Variants in CD46 observed in about 807,000 individuals in gnomAD.
CD46 encodes CD46 molecule, also known as membrane cofactor protein.
In CD46, 30 loss-of-function variants were observed where a neutral mutation model predicts 53.3. That is an observed-to-expected ratio of 0.56 (90% CI 0.42 to 0.76). The LOEUF (loss-of-function observed/expected upper bound fraction) is 0.76, where lower values mean the gene tolerates loss of function less well. CD46 is among the 30% of genes least tolerant of loss of function. The pLI is 0.00. For synonymous variants in CD46, 142 were observed against 152.0 expected, an observed-to-expected ratio of 0.93 and a Z score of 0.48; for missense variants, 409 against 463.0, an observed-to-expected ratio of 0.88 and a Z score of 1.07.
At chr1:207,768,521 G>A (rs1272052943) in intron 7 of CD46, 1 of 151,930 alleles carries the variant, frequency 6.6e-6, no homozygotes, top group Non-Finnish European at 1.5e-5. Context: ...ACCTCATAAT[G>A]TTATTTATTT....
At chr1:207,782,665 T>G (rs1658867963) in intron 8 of CD46, among the ~76,000 whole-genome samples, 1 of 143,986 alleles carries the variant, frequency 6.9e-6, no homozygotes, top group Non-Finnish European at 1.5e-5. Flanking sequence ...TTTTTTTTTT[T>G]TGAGACAGAG....
chr1:207,758,551 T>C (rs1571584481), intron 3 of CD46, among the ~76,000 whole-genome samples: 2 of 152,228 alleles, frequency 1.3e-5, no homozygotes, highest in South Asian at 4.1e-4. Flanking sequence ...AAAGGCATTA[T>C]ACCTCTTAAT....
At chr1:207,777,620 G>A (rs901891673) in intron 8 of CD46, among the ~76,000 whole-genome samples, 3 of 151,912 alleles carry the variant, frequency 2.0e-5, no homozygotes, top group Non-Finnish European at 4.4e-5. Context: ...ACATGCGCTC[G>A]TTCTTTTTTA....
rs1436405473 is a variant in CD46 at position 207,752,333 on chromosome 1, G to A, written c.97+24G>A. 1.1e-5 allele frequency: 18 copies of A among 1,603,322 alleles called. No homozygotes were observed. Among genetic ancestry groups the A allele is most frequent in the East Asian group, 8.9e-5 (4 of 44,810 alleles). On this transcript the variant is annotated intron_variant, in intron 1 of 12. Transcript: ENST00000367042. The surrounding 1 kb of genome is among the most constrained non-coding windows in gnomAD (Gnocchi z 4.1). Reference sequence around the variant, plus strand: ...CGGTAGGACCCCGGGGCGGGTTCGCGCGTCCGCGGCGAGACTAGAGCTCTC... The same window carrying A: ...CGGTAGGACCCCGGGGCGGGTTCGCACGTCCGCGGCGAGACTAGAGCTCTC...
At chr1:207,773,116 T>C (rs916007073) in intron 8 of CD46, among the ~76,000 whole-genome samples, 2 of 152,200 alleles carry the variant, frequency 1.3e-5, no homozygotes, top group Non-Finnish European at 2.9e-5. Flanking sequence ...CCTTTCCTGG[T>C]TTAGTCTTGG....
intron 8 of CD46, among the ~76,000 whole-genome samples, chr1:207,771,615 G>A (rs577926532): frequency 5.3e-5 from 8 of 152,204 alleles, no homozygotes; most frequent in African/African-American, 1.2e-4. Context: ...TTCTACATAC[G>A]GCTAGTCAGT....
At position 207,753,217 on chromosome 1, in the gene CD46, A is replaced by G. The variant is rs17048430; in HGVS notation, c.97+908A>G. On this transcript the variant is annotated intron_variant, in intron 1 of 12. Coordinates refer to ENST00000367042, the MANE Select transcript of CD46 (RefSeq NM_172351.3). ...ATATTTGAGAGATGTGAAACAACCT[A>G]AAAAACAATGGTAGCCAAACCTAGT... 3.4e-3 allele frequency among the ~76,000 whole-genome samples: 514 copies of G among 152,346 alleles called. 3 individuals carry two copies. Among genetic ancestry groups the G allele is most frequent in the African/African-American group, 0.012 (488 of 41,568 alleles).
rs1655064395 is a variant in CD46, at chr1:207,752,754, A to G, written c.97+445A>G. ...GTGGGGTGTTCATTAGGGCTTGGACAGTACCCGCGGTAAGGGTTGCAGTGC... is the reference window on the plus strand; with the variant it reads ...GTGGGGTGTTCATTAGGGCTTGGACGGTACCCGCGGTAAGGGTTGCAGTGC... On this transcript the variant is annotated intron_variant, in intron 1 of 12. Coordinates refer to ENST00000367042, the MANE Select transcript of CD46 (RefSeq NM_172351.3). The surrounding 1 kb of genome is among the most constrained non-coding windows in gnomAD (Gnocchi z 4.1). 6.6e-6 allele frequency among the ~76,000 whole-genome samples: 1 copy of G among 152,122 alleles called. No homozygotes were observed. The highest frequency in any genetic ancestry group is 1.5e-5 in the Non-Finnish European group (1 of 68,012).
intron 11 of CD46, among the ~76,000 whole-genome samples, 165 bp from the exon 12 acceptor site, chr1:207,790,088 G>C (rs1266739392): frequency 6.6e-6 from 1 of 152,112 alleles, no homozygotes; most frequent in African/African-American, 2.4e-5. Flanking sequence ...CAAAATTCAT[G>C]TTTCCAGTCC....
intron 5 of CD46, among the ~76,000 whole-genome samples, chr1:207,763,802 T>C (rs1571604488): frequency 6.6e-6 from 1 of 152,020 alleles, no homozygotes; most frequent in East Asian, 1.9e-4. Context: ...CCAGTGAGTT[T>C]CCTTGCATTG....
At chr1:207,775,307 C>T (rs112524813) in intron 8 of CD46, among the ~76,000 whole-genome samples, 250 of 152,266 alleles carry the variant, frequency 1.6e-3, no homozygotes, top group Middle Eastern at 6.8e-3. Context: ...TTTTTACCTT[C>T]CTCGAGATGG....
At chr1:207,792,058 G>A (rs989330691) in intron 12 of CD46, among the ~76,000 whole-genome samples, 4 of 152,066 alleles carry the variant, frequency 2.6e-5, no homozygotes, top group Admixed American at 6.6e-5. Context: ...CGAGGCGGGC[G>A]GATCACTTAA....
chr1:207,767,470 G>A (rs746900441), intron 6 of CD46: 2 of 829,738 alleles, frequency 2.4e-6, no homozygotes, highest in Non-Finnish European at 4.1e-6. Context: ...TGTATAAAAA[G>A]TGAATTACAA....
intron 8 of CD46, among the ~76,000 whole-genome samples, chr1:207,773,833 G>A (rs914034636): frequency 2.0e-5 from 3 of 152,200 alleles, no homozygotes; most frequent in African/African-American, 4.8e-5. Flanking sequence ...TAAGTGCGAT[G>A]TGGTGCTGAG....
chr1:207,756,312 C>A (rs1172769363), intron 1 of CD46, among the ~76,000 whole-genome samples: 2 of 152,182 alleles, frequency 1.3e-5, no homozygotes, highest in African/African-American at 4.8e-5. Flanking sequence ...AAGCAACAGA[C>A]TCATCAGGAG....
chr1:207,760,827 T>TG (rs1350010199), intron 4 of CD46: 1 of 173,594 alleles, frequency 5.8e-6, no homozygotes, highest in Non-Finnish European at 1.2e-5. Context: ...CGGGAGGTGT[T>TG]GCGCACTTTT....
intron 9 of CD46, among the ~76,000 whole-genome samples, chr1:207,784,401 T>C (rs1394455425): frequency 6.6e-6 from 1 of 152,210 alleles, no homozygotes; most frequent in Non-Finnish European, 1.5e-5. Context: ...TTTCCTTTAC[T>C]ATAGTGAATT....
intron 6 of CD46, 39 bp downstream of exon 6, chr1:207,767,234 G>T (rs773563367): frequency 1.3e-6 from 2 of 1,522,240 alleles, no homozygotes; most frequent in Non-Finnish European, 9.1e-7. Flanking sequence ...GTTTGTTATT[G>T]TTGTTGCTGT....
In CD46 at chr1:207,783,282, T is replaced by G; in HGVS notation, c.944-10T>G. On this transcript the variant is annotated splice_polypyrimidine_tract_variant and intron_variant, in intron 8 of 12. Transcript: ENST00000367042. Reference sequence around the variant, plus strand: ...TATTAATTTAATCTATATTTCTTCTTTTTTCCTAGGATATCCTAAACCTGA... The same window carrying G: ...TATTAATTTAATCTATATTTCTTCTGTTTTCCTAGGATATCCTAAACCTGA... 7.0e-7 allele frequency: 1 copy of G among 1,436,362 alleles called. No individual in the cohort carries two copies. The highest frequency in any genetic ancestry group is 9.8e-7 in the Non-Finnish European group (1 of 1,021,022). 89.0% of individuals were successfully genotyped at this position (1,436,362 alleles called of 1,614,324 possible). A position where few individuals can be genotyped will look rare whatever the true frequency, so the allele number is the denominator to read the frequency against.
Sources: gnomAD v4.1 joint callset for allele counts (sites outside exome capture counted in the v4.1 genomes callset) on GRCh38, gnomAD v4.1.1 for gene constraint, Gnocchi (gnomAD v3.1) non-coding constraint, MANE v1.5 for transcripts, NCBI Gene and HGNC (gene_info 2026-07-23, HGNC 2026-07-21) for gene names.